The following PLCXD2 variants were observed in gnomAD, a reference collection of about 807,000 sequenced individuals.
The protein encoded by PLCXD2 is phosphatidylinositol specific phospholipase C X domain containing 2.
Under a neutral mutation model 28.6 loss-of-function variants are expected in PLCXD2, and 21 were observed. The ratio of observed to expected loss-of-function variants is 0.73; its 90% confidence interval spans 0.52 to 1.06. The LOEUF (loss-of-function observed/expected upper bound fraction) is 1.06, where lower values mean the gene tolerates loss of function less well. Ranked by LOEUF, PLCXD2 falls within the 50% of genes least tolerant of loss-of-function variation. The pLI, the probability that PLCXD2 is intolerant of heterozygous loss-of-function variation, is 0.00. For missense variants in PLCXD2, 369 were observed against 376.7 expected (o/e 0.98, Z 0.17); for synonymous variants, 140 against 150.1 (o/e 0.93, Z 0.49).
At chr3:111,694,976 C>A (rs1940941177) in intron 1 of PLCXD2, among the ~76,000 whole-genome samples, 1 of 152,144 alleles carries the variant, frequency 6.6e-6, no homozygotes, top group East Asian at 1.9e-4. Context: ...TTTCTCTAAA[C>A]CTCAGGAATA....
At chr3:111,724,784 CAG>C (rs1481665615) in intron 3 of PLCXD2, 1 of 152,202 alleles carries the variant, frequency 6.6e-6, no homozygotes, top group Non-Finnish European at 1.5e-5. Context: ...TTCTAAGAAA[CAG>C]AGTGGGCTAA....
chr3:111,675,532 A>G, intron 1 of PLCXD2, 124 bp downstream of exon 1: 1 of 1,155,892 alleles, frequency 8.7e-7, no homozygotes, highest in Non-Finnish European at 1.3e-6. Flanking sequence ...TTTATTTCCA[A>G]ACCAAAAACT....
intron 3 of PLCXD2, chr3:111,726,459 C>T (rs1941417095): frequency 1.3e-5 from 2 of 152,138 alleles, no homozygotes; most frequent in South Asian, 4.1e-4. Flanking sequence ...TTGGTCAATT[C>T]AGATGATACG....
chr3:111,689,549 A>C (rs542420067), intron 1 of PLCXD2, among the ~76,000 whole-genome samples: 1 of 152,170 alleles, frequency 6.6e-6, no homozygotes, highest in African/African-American at 2.4e-5. Context: ...ATTACAGTTC[A>C]GTTCAGGTAT....
chr3:111,714,225 G>T (rs1941238628), intron 3 of PLCXD2, 97 bp downstream of exon 3: 4 of 1,421,642 alleles, frequency 2.8e-6, no homozygotes, highest in African/African-American at 1.4e-5. Context: ...GTAGTCTGAG[G>T]AGTTAGAAAA....
chr3:111,691,040 G>T (rs1436582291), intron 1 of PLCXD2, among the ~76,000 whole-genome samples: 1 of 152,096 alleles, frequency 6.6e-6, no homozygotes. Flanking sequence ...AGACCCAACA[G>T]GAATATGGGT....
chr3:111,717,530 C>A (rs1270685885), intron 3 of PLCXD2, among the ~76,000 whole-genome samples: 1 of 152,162 alleles, frequency 6.6e-6, no homozygotes, highest in East Asian at 1.9e-4. Flanking sequence ...ATTATTTGAT[C>A]CTTGCCTTGG....
At chr3:111,716,838 G>T (rs1164722798) in intron 3 of PLCXD2, among the ~76,000 whole-genome samples, 1 of 152,156 alleles carries the variant, frequency 6.6e-6, no homozygotes, top group Admixed American at 6.5e-5. Context: ...GGATATTAGG[G>T]TGGGCCCTAA....
chr3:111,717,313 T>C (rs1400204184), intron 3 of PLCXD2, among the ~76,000 whole-genome samples: 1 of 151,972 alleles, frequency 6.6e-6, no homozygotes, highest in African/African-American at 2.4e-5. Flanking sequence ...ACCACCCTTG[T>C]TCCCAGCTGG....
intron 1 of PLCXD2, among the ~76,000 whole-genome samples, chr3:111,681,757 C>T (rs1004881366): frequency 6.6e-6 from 1 of 152,204 alleles, no homozygotes; most frequent in Non-Finnish European, 1.5e-5. Flanking sequence ...CACCTGCAAG[C>T]TCCTCTCTCA....
At chr3:111,691,071 G>A (rs1360949860) in intron 1 of PLCXD2, among the ~76,000 whole-genome samples, 3 of 151,548 alleles carry the variant, frequency 2.0e-5, no homozygotes, top group African/African-American at 7.3e-5. Flanking sequence ...TGTGTGAGCA[G>A]AAAGAAGGTC....
intron 1 of PLCXD2, among the ~76,000 whole-genome samples, chr3:111,697,106 G>C (rs1268432290): frequency 6.6e-6 from 1 of 151,976 alleles, no homozygotes; most frequent in African/African-American, 2.4e-5. Context: ...CCAAACTCTT[G>C]CTATCCAAAC....
intron 1 of PLCXD2, among the ~76,000 whole-genome samples, chr3:111,701,142 TCTGA>T (rs759223496): frequency 2.0e-5 from 3 of 152,230 alleles, no homozygotes; most frequent in Non-Finnish European, 4.4e-5. Context: ...CACTCTGATT[TCTGA>T]CTAATTAAAA....
At chr3:111,680,709 G>A (rs1021009153) in intron 1 of PLCXD2, among the ~76,000 whole-genome samples, 6 of 152,120 alleles carry the variant, frequency 3.9e-5, no homozygotes, top group African/African-American at 1.4e-4. Flanking sequence ...AAAGATCATG[G>A]ATTGGTTAAG....
intron 1 of PLCXD2, among the ~76,000 whole-genome samples, chr3:111,690,793 C>G (rs1031745049): frequency 1.3e-5 from 2 of 152,218 alleles, no homozygotes; most frequent in Non-Finnish European, 2.9e-5. Flanking sequence ...AGAAGCTTCT[C>G]TGTATCTCAT....
chr3:111,726,027 C>T, intron 3 of PLCXD2: 2 of 380,470 alleles, frequency 5.3e-6, no homozygotes, highest in East Asian at 3.7e-5. Context: ...CATTATTCTA[C>T]CCCTCAACCT....
chr3:111,714,188 A>C (rs952047585), intron 3 of PLCXD2, 60 bp downstream of exon 3: 2 of 1,546,754 alleles, frequency 1.3e-6, no homozygotes, highest in African/African-American at 2.8e-5. Flanking sequence ...TCTTGATTCT[A>C]TTCTGAGTAA....
At chr3:111,714,229 T>C (rs1941238682) in intron 3 of PLCXD2, 101 bp downstream of exon 3, 1 of 1,406,604 alleles carries the variant, frequency 7.1e-7, no homozygotes, top group Non-Finnish European at 9.4e-7. Flanking sequence ...TCTGAGGAGT[T>C]AGAAAAACAA....
At chr3:111,712,352 C>T (rs540524802) in intron 2 of PLCXD2, among the ~76,000 whole-genome samples, 3 of 152,140 alleles carry the variant, frequency 2.0e-5, no homozygotes, top group Non-Finnish European at 4.4e-5. Context: ...AGGGCTGCAC[C>T]GCCTCCCACC....
Sources: gnomAD v4.1 joint callset for allele counts (sites outside exome capture counted in the v4.1 genomes callset) on GRCh38, gnomAD v4.1.1 for gene constraint, MANE v1.5 for transcripts, NCBI Gene and HGNC (gene_info 2026-07-23, HGNC 2026-07-21) for gene names.